FOXP4: variants seen among roughly 807,000 people sequenced by gnomAD.
FOXP4 encodes the protein forkhead box P4.
In FOXP4, 25 loss-of-function variants were observed where a neutral mutation model predicts 82.6. The observed-to-expected ratio is 0.30, with a 90% CI of 0.22 to 0.42. The LOEUF (loss-of-function observed/expected upper bound fraction) is 0.42. FOXP4 is among the 10% of genes least tolerant of loss of function. The pLI, the probability that FOXP4 is intolerant of heterozygous loss-of-function variation, is 1.00. For missense variants in FOXP4, 785 were observed against 900.9 expected (o/e 0.87, Z 1.65); for synonymous variants, 415 against 388.2 (o/e 1.07, Z -0.81).
chr6:41,584,817 C>A lies in FOXP4; in HGVS notation c.349C>A (p.Gln117Lys), dbSNP rs1448514830. ...GTCGCCGCAGATGCTTACCCCGCAA[C>A]AGATGCAGCAGATCCTGTCGCCCCC... ...MMSPQMLTPQQMQQILSPPQL... is the reference protein window; with the variant it reads ...MMSPQMLTPQKMQQILSPPQL... The change falls in exon 4 of 17, where the codon CAG (glutamine) becomes AAG (lysine). Residue 117 changes from glutamine (Q) to lysine (K), a missense_variant. Coordinates refer to ENST00000307972, the MANE Select transcript of FOXP4 (RefSeq NM_001012426.2). 1 of 1,607,310 alleles carries A rather than the reference C, an allele frequency of 6.2e-7. No homozygotes were observed. Among genetic ancestry groups the A allele is most frequent in the African/African-American group, 1.3e-5 (1 of 74,772 alleles).
rs747986308 is a variant in FOXP4 at position 41,587,524 on chromosome 6, C to T, written c.872+12C>T. 4 of 1,514,246 alleles carry T rather than the reference C, an allele frequency of 2.6e-6. No homozygotes were observed. The South Asian group carries it at 4.0e-5, about 15-fold the overall frequency. The allele number at this position is 1,514,246 out of a possible 1,614,324, so 93.8% of individuals were successfully genotyped here. A position where few individuals can be genotyped will look rare whatever the true frequency, so the allele number is the denominator to read the frequency against. On this transcript the variant is annotated intron_variant, in intron 7 of 16. Coordinates refer to ENST00000307972, the MANE Select transcript of FOXP4 (RefSeq NM_001012426.2). ...TCTCGGAGAGACAGGTACAGGGGTC[C>T]AGGCTGGGAGGGGCATCAAAGGCCT... is the stretch of plus-strand genomic sequence containing the variant.
At chr6:41,550,280 C>A (rs1386086933) in intron 1 of FOXP4, among the ~76,000 whole-genome samples, 2 of 152,158 alleles carry the variant, frequency 1.3e-5, no homozygotes, top group Admixed American at 6.5e-5. Context: ...GGTCATAATA[C>A]CCACCTTAGA....
chr6:41,598,057 C>T (rs1396437319), intron 16 of FOXP4, 107 bp downstream of exon 16: 2 of 928,962 alleles, frequency 2.2e-6, no homozygotes, highest in African/African-American at 3.4e-5. Flanking sequence ...CCCCACCACG[C>T]CTCTCCCCAG....
chr6:41,581,115 A>C (rs370068754), intron 3 of FOXP4, among the ~76,000 whole-genome samples: 2 of 152,166 alleles, frequency 1.3e-5, no homozygotes, highest in Non-Finnish European at 2.9e-5. Flanking sequence ...GTTCTTCTTT[A>C]TATCTCACTG....
At chr6:41,590,561 C>T (rs9369291) in intron 12 of FOXP4, among the ~76,000 whole-genome samples, 7,754 of 152,212 alleles carry the variant, frequency 0.051, 311 homozygotes, top group East Asian at 0.11. Flanking sequence ...TCTGGGGGTG[C>T]ACACACTGTT....
Position 41,591,978 on chromosome 6 carries a change from A to C in FOXP4, c.1536+656A>C, listed in dbSNP as rs553916548. Among the ~76,000 whole-genome samples, 1 of 151,802 alleles carries C rather than the reference A, an allele frequency of 6.6e-6. No individual in the cohort carries two copies. The highest frequency in any genetic ancestry group is 1.9e-4 in the East Asian group (1 of 5,184). On this transcript the variant is annotated intron_variant, in intron 13 of 16. Transcript: ENST00000307972. The surrounding 1 kb of genome is among the most constrained non-coding windows in gnomAD (Gnocchi z 4.2). ...GGGGTACTAGGCCATTTATTTTTCT[A>C]TAGCCAAAAGGGGGGTGTGTGTGTG...
At chr6:41,559,866 G>A (rs1296535679) in intron 1 of FOXP4, among the ~76,000 whole-genome samples, 2 of 152,148 alleles carry the variant, frequency 1.3e-5, no homozygotes, top group African/African-American at 4.8e-5. Context: ...GACCTGTTGG[G>A]TTAGCAACTT....
intron 1 of FOXP4, 33 bp from the exon 2 acceptor site, chr6:41,565,712 A>G (rs972004011): frequency 2.6e-6 from 4 of 1,542,594 alleles, no homozygotes; most frequent in Non-Finnish European, 3.5e-6. Flanking sequence ...CTTCAGCCTC[A>G]GCCTCTCCCC....
At chr6:41,551,100 G>A (rs879288196) in intron 1 of FOXP4, among the ~76,000 whole-genome samples, 2 of 152,162 alleles carry the variant, frequency 1.3e-5, no homozygotes, top group African/African-American at 2.4e-5. Flanking sequence ...GGATCACAGC[G>A]GGAACCCTCT....
At chr6:41,585,009 C>A in intron 4 of FOXP4, 118 bp downstream of exon 4, 1 of 1,330,784 alleles carries the variant, frequency 7.5e-7, no homozygotes, top group Non-Finnish European at 1.0e-6. Flanking sequence ...ACTGCTCAGG[C>A]CAGACTGATC....
rs1764397237 is a variant in FOXP4, at chr6:41,558,426, T to C, written c.-16-7319T>C. ...ACTCAGGTGGGTTGTAGCAAGACTT[T>C]CTGGACTCCTGTAATTATAGTCACT... On this transcript the variant is annotated intron_variant, in intron 1 of 16. Coordinates refer to ENST00000307972, the MANE Select transcript of FOXP4 (RefSeq NM_001012426.2). This position sits in a 1 kb window ranked among gnomAD's most constrained non-coding sequence, Gnocchi z 4.0. Among the ~76,000 whole-genome samples the C allele has an allele frequency of 6.6e-6, 1 of 152,202 alleles. No individual in the cohort carries two copies. The highest frequency in any genetic ancestry group is 2.1e-4 in the South Asian group (1 of 4,830).
chr6:41,590,198 G>A (rs758804520), intron 11 of FOXP4, 28 bp downstream of exon 11: 16 of 1,605,954 alleles, frequency 1.0e-5, no homozygotes, highest in South Asian at 7.7e-5. Context: ...GCTGCAGGGC[G>A]ACAGCAGCGT....
At chr6:41,596,736 C>CT in intron 14 of FOXP4, among the ~76,000 whole-genome samples, 2 of 152,262 alleles carry the variant, frequency 1.3e-5, no homozygotes, top group Admixed American at 1.3e-4. Context: ...GAGCATATGT[C>CT]TGACATGTCC....
At chr6:41,579,069 C>A in intron 3 of FOXP4, among the ~76,000 whole-genome samples, 1 of 152,006 alleles carries the variant, frequency 6.6e-6, no homozygotes, top group East Asian at 1.9e-4. Context: ...CAGGCTTTGT[C>A]CTGGGTGGAG....
At chr6:41,582,292 C>T (rs897110598) in intron 3 of FOXP4, among the ~76,000 whole-genome samples, 1 of 152,212 alleles carries the variant, frequency 6.6e-6, no homozygotes, top group African/African-American at 2.4e-5. Flanking sequence ...ATGGCACCAT[C>T]CTCACAGGGT....
intron 16 of FOXP4, 69 bp from the exon 17 acceptor site, chr6:41,598,720 T>C: frequency 6.5e-7 from 1 of 1,545,490 alleles, no homozygotes; most frequent in African/African-American, 1.4e-5. Flanking sequence ...TCTGGGTGAG[T>C]TTGGGGGGCA....
intron 9 of FOXP4, 75 bp downstream of exon 9, chr6:41,588,806 G>A: frequency 1.3e-6 from 2 of 1,543,758 alleles, no homozygotes; most frequent in South Asian, 2.2e-5. Flanking sequence ...GACTTGCTAG[G>A]TGGGCTCTGT....
intron 7 of FOXP4, 106 bp downstream of exon 7, chr6:41,587,618 C>T (rs1442339196): frequency 5.7e-5 from 59 of 1,032,140 alleles, no homozygotes; most frequent in East Asian, 1.0e-4. Flanking sequence ...GCCCACGGAC[C>T]GGAGGTTCAC....
At chr6:41,583,879 C>T (rs1562035101) in intron 3 of FOXP4, among the ~76,000 whole-genome samples, 1 of 152,192 alleles carries the variant, frequency 6.6e-6, no homozygotes, top group Non-Finnish European at 1.5e-5. Flanking sequence ...AGGCCTGACC[C>T]AGGGCAGGGG....
Sources: allele counts gnomAD v4.1 joint callset (sites outside exome capture counted in the v4.1 genomes callset), GRCh38; gene constraint gnomAD v4.1.1; non-coding constraint Gnocchi (gnomAD v3.1); transcripts MANE v1.5; gene names NCBI Gene and HGNC (gene_info 2026-07-23, HGNC 2026-07-21).